HMX1: variants seen among roughly 807,000 people sequenced by gnomAD.
HMX1 encodes the protein homeobox protein HMX1.
In HMX1, 8 loss-of-function variants were observed where a neutral mutation model predicts 8.9. That is an observed-to-expected ratio of 0.90 (90% CI 0.53 to 1.63). The LOEUF (loss-of-function observed/expected upper bound fraction) is 1.63. Ranked by LOEUF, HMX1 falls within the 40% of genes most tolerant of loss-of-function variation. HMX1 has a pLI of 0.00. For synonymous variants in HMX1, 311 were observed against 283.4 expected, an observed-to-expected ratio of 1.10 and a Z score of -0.98; for missense variants, 621 against 558.5, an observed-to-expected ratio of 1.11 and a Z score of -1.13.
downstream of HMX1, among the ~76,000 whole-genome samples, chr4:8,862,777 A>C (rs1577197774): frequency 6.6e-6 from 1 of 152,186 alleles, no homozygotes; most frequent in East Asian, 1.9e-4. Flanking sequence ...ACTCAGCCCC[A>C]CAGCTCCAGA....
intron 1 of HMX1, among the ~76,000 whole-genome samples, chr4:8,851,116 C>G (rs564177471): frequency 6.6e-6 from 1 of 152,254 alleles, no homozygotes. Context: ...GCTGCCCAAG[C>G]AGCCGTCGTT....
chr4:8,862,534 C>G (rs1170504494), downstream of HMX1, among the ~76,000 whole-genome samples: 1 of 152,132 alleles, frequency 6.6e-6, no homozygotes, highest in Non-Finnish European at 1.5e-5. Flanking sequence ...ATTTTTGTTG[C>G]CTTATTATAA....
chr4:8,851,905 G>A (rs571637869), intron 1 of HMX1, among the ~76,000 whole-genome samples: 32 of 152,246 alleles, frequency 2.1e-4, no homozygotes, highest in South Asian at 4.1e-4. Flanking sequence ...GCCAGGCAGC[G>A]GGCTGGAGAC....
chr4:8,867,416 C>T lies in HMX1; in HGVS notation c.*277G>A, dbSNP rs1560183008. 2.8e-6 allele frequency: 3 copies of T among 1,087,884 alleles called. No individual in the cohort carries two copies. The highest frequency in any genetic ancestry group is 3.3e-5 in the African/African-American group (2 of 60,146). The allele number at this position is 1,087,884 out of a possible 1,614,324, so 67.4% of individuals were successfully genotyped here. A position where few individuals can be genotyped will look rare whatever the true frequency, so the allele number is the denominator to read the frequency against. ...CTCCTCGCTGAGGCCGGGGGGTGGC[C>T]GTGGCGCCGGGGGCTGCGCAGCCCA... is the stretch of plus-strand genomic sequence containing the variant. On this transcript the variant is annotated 3_prime_UTR_variant, in exon 2 of 2. Coordinates refer to ENST00000400677, the MANE Select transcript of HMX1 (RefSeq NM_018942.3).
chr4:8,863,378 C>G (rs937062449), downstream of HMX1, among the ~76,000 whole-genome samples: 1 of 152,232 alleles, frequency 6.6e-6, no homozygotes, highest in Non-Finnish European at 1.5e-5. Flanking sequence ...CCCGGCCTCT[C>G]CCGCCTCCCT....
chr4:8,864,019 A>T (rs530660156), downstream of HMX1, among the ~76,000 whole-genome samples: 1 of 152,206 alleles, frequency 6.6e-6, no homozygotes, highest in South Asian at 2.1e-4. Flanking sequence ...TGGGGAGCTG[A>T]TTTCCCACCT....
downstream of HMX1, among the ~76,000 whole-genome samples, chr4:8,863,314 G>A (rs994507397): frequency 7.2e-5 from 11 of 152,208 alleles, no homozygotes; most frequent in Admixed American, 2.0e-4. Context: ...GGGGCGGAAG[G>A]CCACGAAAGA....
At position 8,870,572 on chromosome 4, in the gene HMX1, C is replaced by T. The variant is rs566270740; in HGVS notation, c.394+649G>A. Among the ~76,000 whole-genome samples, 7 of 152,274 alleles carry T rather than the reference C, an allele frequency of 4.6e-5. No homozygotes were observed. Among genetic ancestry groups the T allele is most frequent in the Admixed American group, 4.6e-4 (7 of 15,306 alleles). On this transcript the variant is annotated intron_variant, in intron 1 of 1. Transcript: ENST00000400677. The surrounding 1 kb of genome is among the most constrained non-coding windows in gnomAD (Gnocchi z 4.4). Reference sequence around the variant, plus strand: ...CCAAGAGGGAGACCCAGGCCCCTGCCCCAGGCTGTCTGCAGCGGGCACAGA... The same window carrying T: ...CCAAGAGGGAGACCCAGGCCCCTGCTCCAGGCTGTCTGCAGCGGGCACAGA...
rs1306130627 is a variant in HMX1 at position 8,860,950 on chromosome 4, C to CGGGCGG, written c.394+10265_394+10270dup. The CGGGCGG allele has an allele frequency of 2.3e-3, 208 of 91,500 alleles. 4 individuals are homozygous for CGGGCGG. The highest frequency in any genetic ancestry group is 7.0e-3 in the African/African-American group (189 of 26,990). 5.7% of individuals were successfully genotyped at this position (91,500 alleles called of 1,614,324 possible). On this transcript the variant is annotated intron_variant, in intron 1 of 1. Coordinates refer to the HMX1 transcript ENST00000506970. Reference sequence around the variant, plus strand: ...GACGCCAGAGAGACGCCAGGTGAGCCGGGCGGGGGCGGGGGCGAGGGCGGG... The same window carrying CGGGCGG: ...GACGCCAGAGAGACGCCAGGTGAGCCGGGCGGGGGCGGGGGCGGGGGCGAGGGCGGG...
At position 8,871,835 on chromosome 4, in the gene HMX1, CT is replaced by C. The variant is rs1722239156; in HGVS notation, c.-222del. The C allele has an allele frequency of 5.2e-6, 2 of 386,462 alleles. No individual in the cohort carries two copies. The highest frequency in any genetic ancestry group is 6.7e-6 in the Non-Finnish European group (2 of 298,370). The allele number at this position is 386,462 out of a possible 1,614,324, so 23.9% of individuals were successfully genotyped here. On this transcript the variant is annotated 5_prime_UTR_variant, in exon 1 of 2. Coordinates refer to ENST00000400677, the MANE Select transcript of HMX1 (RefSeq NM_018942.3). The surrounding 1 kb of genome is among the most constrained non-coding windows in gnomAD (Gnocchi z 4.8). ...CTGATCGGGCAGCCGCCTGGCTCGC[CT>C]TTCAGGTCGCCGTTCTGGTCGCCGC...
In HMX1 at chr4:8,871,221, T is replaced by A; in HGVS notation, c.394A>T (p.Thr132Ser). ...CCACCCTCCCCGCGCCCTCACTCAC[T>A]GTCAGGACTGAGGCCGCCTCCATAG... Reference protein sequence around the residue: ...GGYGGGLSPDTSDRDSPETGE... With the variant: ...GGYGGGLSPDSSDRDSPETGE... The change falls in exon 1 of 2, where the codon ACC becomes TCC. Residue 132 changes from threonine (T) to serine (S), a missense_variant and splice_region_variant. Coordinates refer to ENST00000400677, the MANE Select transcript of HMX1 (RefSeq NM_018942.3). This position sits in a 1 kb window ranked among gnomAD's most constrained non-coding sequence, Gnocchi z 4.8. 6.8e-7 allele frequency: 1 copy of A among 1,464,578 alleles called. No individual in the cohort carries two copies. Among genetic ancestry groups the A allele is most frequent in the Non-Finnish European group, 9.0e-7 (1 of 1,114,302 alleles). The allele number at this position is 1,464,578 out of a possible 1,614,324, so 90.7% of individuals were successfully genotyped here.
Position 8,867,568 on chromosome 4 carries a change from G to C in HMX1, c.*125C>G, listed in dbSNP as rs1345770125. 42 of 1,187,958 alleles carry C rather than the reference G, an allele frequency of 3.5e-5. No homozygotes were observed. Among genetic ancestry groups the C allele is most frequent in the Non-Finnish European group, 4.3e-5 (41 of 959,930 alleles). 73.6% of individuals were successfully genotyped at this position (1,187,958 alleles called of 1,614,324 possible). Reference sequence around the variant, plus strand: ...GCCCGGCCGCGGCCTGCGCTCCCGAGGTATCTAGGAGGCCGCAGGAGCGAC... The same window carrying C: ...GCCCGGCCGCGGCCTGCGCTCCCGACGTATCTAGGAGGCCGCAGGAGCGAC... On this transcript the variant is annotated 3_prime_UTR_variant, in exon 2 of 2. Coordinates refer to ENST00000400677, the MANE Select transcript of HMX1 (RefSeq NM_018942.3).
At position 8,867,151 on chromosome 4, in the gene HMX1, C is replaced by A; in HGVS notation, c.*542G>T. On this transcript the variant is annotated 3_prime_UTR_variant, in exon 2 of 2. Coordinates refer to ENST00000400677, the MANE Select transcript of HMX1 (RefSeq NM_018942.3). ...TCTGCAGAGAGCCCCAGCCTGCCTG[C>A]TCCTGGAACGGACGATGGGACCCAC... The A allele has an allele frequency of 1.0e-6, 1 of 985,568 alleles. No individual in the cohort carries two copies. The highest frequency in any genetic ancestry group is 1.2e-6 in the Non-Finnish European group (1 of 830,016). The allele number at this position is 985,568 out of a possible 1,614,324, so 61.1% of individuals were successfully genotyped here.
At position 8,853,334 on chromosome 4, in the gene HMX1, G is replaced by A. The variant is rs912380370; in HGVS notation, c.395-7010C>T. Among the ~76,000 whole-genome samples the A allele has an allele frequency of 6.6e-6, 1 of 152,152 alleles. No homozygotes were observed. The highest frequency in any genetic ancestry group is 1.5e-5 in the Non-Finnish European group (1 of 68,034). Reference sequence around the variant, plus strand: ...TGCTGTAACTAAATTGTCCTCACCTGACCATCACAGCCCCATTCCAGGCAG... The same window carrying A: ...TGCTGTAACTAAATTGTCCTCACCTAACCATCACAGCCCCATTCCAGGCAG... On this transcript the variant is annotated intron_variant, in intron 1 of 1. Transcript: ENST00000506970. The surrounding 1 kb of genome is among the most constrained non-coding windows in gnomAD (Gnocchi z 4.7).
At chr4:8,858,844 G>A (rs932346482) in intron 1 of HMX1, 1 of 152,382 alleles carries the variant, frequency 6.6e-6, no homozygotes, top group Non-Finnish European at 1.5e-5. Flanking sequence ...GGACACTGGG[G>A]TGGGCGAGCT....
downstream of HMX1, among the ~76,000 whole-genome samples, chr4:8,866,715 C>G (rs1722008647): frequency 1.3e-5 from 2 of 152,236 alleles, no homozygotes; most frequent in Non-Finnish European, 2.9e-5. Context: ...CGCCACACAG[C>G]CGAGCCCCTG....
intron 1 of HMX1, among the ~76,000 whole-genome samples, chr4:8,854,123 A>G (rs1721537453): frequency 6.6e-6 from 1 of 152,036 alleles, no homozygotes; most frequent in Admixed American, 6.6e-5. Context: ...TGGGTCCTGG[A>G]GGCCTGATGT....
chr4:8,855,151 G>A (rs1397744159), intron 1 of HMX1, among the ~76,000 whole-genome samples: 3 of 152,360 alleles, frequency 2.0e-5, no homozygotes, highest in African/African-American at 7.2e-5. Flanking sequence ...AGATGAGCCC[G>A]TCAGGCTCCT....
chr4:8,865,771 A>C (rs560436854), downstream of HMX1, among the ~76,000 whole-genome samples: 1 of 152,122 alleles, frequency 6.6e-6, no homozygotes, highest in Admixed American at 6.5e-5. Context: ...CATTAGTTTT[A>C]TTGAGGCCTA....
Sources: gnomAD v4.1 joint callset for allele counts (sites outside exome capture counted in the v4.1 genomes callset) on GRCh38, gnomAD v4.1.1 for gene constraint, Gnocchi (gnomAD v3.1) non-coding constraint, MANE v1.5 for transcripts, NCBI Gene and HGNC (gene_info 2026-07-23, HGNC 2026-07-21) for gene names.